The following CLEC2A variants were observed in gnomAD, a reference collection of about 807,000 sequenced individuals.
CLEC2A encodes the protein C-type lectin domain family 2 member A.
In CLEC2A, 19 loss-of-function variants were observed where a neutral mutation model predicts 18.6. The ratio of observed to expected loss-of-function variants is 1.02; its 90% CI spans 0.71 to 1.50. The LOEUF is 1.50. CLEC2A is among the 40% of genes most tolerant of loss of function. The pLI, the probability that CLEC2A is intolerant of heterozygous loss-of-function variation, is 0.00. For missense variants in CLEC2A, 190 were observed against 207.9 expected (o/e 0.91, Z 0.53); for synonymous variants, 74 against 64.0 (o/e 1.16, Z -0.75).
chr12:9,916,537 T>C lies in CLEC2A; in HGVS notation c.410+163A>G, dbSNP rs150435467. On this transcript the variant is annotated intron_variant, in intron 4 of 4. Coordinates refer to ENST00000455827, the MANE Select transcript of CLEC2A (RefSeq NM_001130711.2). The stretch of plus-strand genomic sequence containing the variant: ...GAGAAGAAAATGGGTTGCTCTAGGA[T>C]ATGCTTCAATGTGAAAGGGCATATG... 9.1e-4 allele frequency among the ~76,000 whole-genome samples: 139 copies of C among 152,322 alleles called. 1 individual carries two copies. In the East Asian group the frequency reaches 0.013, roughly 15 times the overall value.
rs1410225711 is a variant in CLEC2A at position 9,913,675 on chromosome 12, T to G, written c.416A>C (p.Glu139Ala). The G allele has an allele frequency of 6.5e-7, 1 of 1,542,448 alleles. No homozygotes were observed. The highest frequency in any genetic ancestry group is 1.2e-5 in the South Asian group (1 of 83,074). Residue 139 changes from glutamate to alanine, a missense_variant, in exon 5 of 5, where the codon GAA (glutamate) becomes GCA (alanine). Physicochemically the swap from Glu to Ala is moderately radical, Grantham distance 107. Transcript: ENST00000455827. ...AGCAAAGGATCCGTTCCCTATAATTTCAAACCTGAAAAAGAACACTCTAAA... is the reference window on the plus strand; with the variant it reads ...AGCAAAGGATCCGTTCCCTATAATTGCAAACCTGAAAAAGAACACTCTAAA... ...TNGTTFNGWF[E>A]IIGNGSFAFL...
chr12:9,895,550 A>G (rs1251558168), downstream of CLEC2A: 1 of 686,188 alleles, frequency 1.5e-6, no homozygotes, highest in Admixed American at 3.2e-5. Context: ...CTGCATTAGC[A>G]ATGAAAATTC....
chr12:9,908,200 G>C (rs918066295), intron 4 of CLEC2A, among the ~76,000 whole-genome samples: 1 of 152,148 alleles, frequency 6.6e-6, no homozygotes, highest in African/African-American at 2.4e-5. Flanking sequence ...AGGACTTGAG[G>C]TCTTCCTTGA....
chr12:9,879,282 G>A, the CLEC2A span, among the ~76,000 whole-genome samples: 2 of 152,154 alleles, frequency 1.3e-5, no homozygotes, highest in African/African-American at 4.8e-5. Context: ...GATTCATTGT[G>A]TCTTACCCAA....
chr12:9,927,975 A>C (rs1863305942), intron 1 of CLEC2A, among the ~76,000 whole-genome samples: 2 of 152,192 alleles, frequency 1.3e-5, no homozygotes, highest in African/African-American at 4.8e-5. Flanking sequence ...AATTGAGAAA[A>C]AAAGGCTTTA....
the CLEC2A span, chr12:9,881,668 A>T: frequency 6.5e-7 from 1 of 1,531,328 alleles, no homozygotes; most frequent in Non-Finnish European, 8.8e-7. Context: ...ATCTAAAGGT[A>T]GGAATACTGC....
chr12:9,906,825 A>G (rs769991613), intron 4 of CLEC2A, among the ~76,000 whole-genome samples: 8 of 152,200 alleles, frequency 5.3e-5, no homozygotes, highest in Non-Finnish European at 8.8e-5. Flanking sequence ...TTTGTGTGGT[A>G]GTTCATTAAA....
chr12:9,927,838 T>G (rs1863301934), intron 1 of CLEC2A, among the ~76,000 whole-genome samples: 2 of 151,998 alleles, frequency 1.3e-5, no homozygotes, highest in African/African-American at 4.8e-5. Context: ...AATGTGTTTT[T>G]TTTTTCAAGA....
chr12:9,891,524 T>C, the CLEC2A span, among the ~76,000 whole-genome samples: 1 of 152,214 alleles, frequency 6.6e-6, no homozygotes, highest in East Asian at 1.9e-4. Context: ...TTCATCCAAG[T>C]GGCACATTCT....
intron 3 of CLEC2A, 47 bp downstream of exon 3, chr12:9,922,019 T>C: frequency 2.8e-6 from 4 of 1,421,222 alleles, no homozygotes; most frequent in Non-Finnish European, 2.8e-6. Flanking sequence ...ATTATGTTTT[T>C]ATACAAACAA....
intron 2 of CLEC2A, among the ~76,000 whole-genome samples, 153 bp from the exon 3 acceptor site, chr12:9,922,385 T>C (rs1863188996): frequency 1.3e-5 from 2 of 152,232 alleles, no homozygotes; most frequent in African/African-American, 2.4e-5. Context: ...TAACTTCCCC[T>C]GTCTGTAAGG....
the CLEC2A span, among the ~76,000 whole-genome samples, chr12:9,880,520 ATGTG>A: frequency 0.1 from 15,151 of 147,234 alleles, 1,094 homozygotes; most frequent in East Asian, 0.34. Context: ...AACCATTAGC[ATGTG>A]TGTGTGTGTG....
the CLEC2A span, among the ~76,000 whole-genome samples, chr12:9,879,526 A>G: frequency 6.6e-6 from 1 of 152,230 alleles, no homozygotes; most frequent in African/African-American, 2.4e-5. Flanking sequence ...TGTATTTACA[A>G]ACAGAAATAA....
At chr12:9,930,848 T>C (rs1475506987) in intron 1 of CLEC2A, among the ~76,000 whole-genome samples, 1 of 152,096 alleles carries the variant, frequency 6.6e-6, no homozygotes, top group Non-Finnish European at 1.5e-5. Flanking sequence ...TTCTTTTCTG[T>C]CATGTTTTTA....
At chr12:9,881,633 A>G in the CLEC2A span, 1 of 1,535,552 alleles carries the variant, frequency 6.5e-7, no homozygotes, top group Non-Finnish European at 8.7e-7. Flanking sequence ...CTGAGTTTCA[A>G]GAATCGTTGT....
chr12:9,878,097 T>C, the CLEC2A span, among the ~76,000 whole-genome samples: 1 of 148,524 alleles, frequency 6.7e-6, no homozygotes, highest in African/African-American at 2.5e-5. Flanking sequence ...CCAGCCTGGG[T>C]AACAGAACAA....
intron 4 of CLEC2A, among the ~76,000 whole-genome samples, chr12:9,905,128 G>T (rs975253486): frequency 1.3e-5 from 2 of 152,226 alleles, no homozygotes; most frequent in Non-Finnish European, 2.9e-5. Flanking sequence ...ATAAACAAGT[G>T]ATTATTAAGC....
At chr12:9,928,448 G>C (rs1863314720) in intron 1 of CLEC2A, among the ~76,000 whole-genome samples, 1 of 152,106 alleles carries the variant, frequency 6.6e-6, no homozygotes, top group Non-Finnish European at 1.5e-5. Flanking sequence ...CTGGGTGACA[G>C]AGTGAGGCTC....
the CLEC2A span, among the ~76,000 whole-genome samples, chr12:9,883,098 A>T: frequency 6.6e-6 from 1 of 152,226 alleles, no homozygotes; most frequent in African/African-American, 2.4e-5. Context: ...TACTGTAGGC[A>T]TGTTTGTGCT....
Sources: gnomAD v4.1 joint callset for allele counts (sites outside exome capture counted in the v4.1 genomes callset) on GRCh38, gnomAD v4.1.1 for gene constraint, MANE v1.5 for transcripts, NCBI Gene and HGNC (gene_info 2026-07-23, HGNC 2026-07-21) for gene names.